The following IL4I1 variants were observed in gnomAD, a reference collection of about 807,000 sequenced individuals.
IL4I1 encodes the protein interleukin 4 induced 1.
Under a neutral mutation model 29.7 loss-of-function variants are expected in IL4I1, and 24 were observed. The ratio of observed to expected loss-of-function variants is 0.81; its 90% CI spans 0.59 to 1.14. IL4I1 has a LOEUF of 1.14. Ranked by LOEUF, IL4I1 falls within the 50% of genes most tolerant of loss-of-function variation. IL4I1 has a pLI of 0.00. For synonymous variants in IL4I1, 371 were observed against 352.5 expected, an observed-to-expected ratio of 1.05 and a Z score of -0.59; for missense variants, 686 against 785.6, an observed-to-expected ratio of 0.87 and a Z score of 1.52.
In IL4I1 at chr19:49,909,353, G is replaced by C. The variant is rs373373358; in HGVS notation, c.-227-5032C>G. 3.1e-6 allele frequency: 5 copies of C among 1,613,752 alleles called. No homozygotes were observed. The African/African-American group carries it at 5.3e-5, about 17-fold the overall frequency. On this transcript the variant is annotated intron_variant, in intron 2 of 9. Coordinates refer to the IL4I1 transcript ENST00000341114. ...GAATGAGAAGCCTCCAGATGTGGTA[G>C]CTGGAGCCACAGAGGTGGTGGAGGG...
intron 2 of IL4I1, among the ~76,000 whole-genome samples, chr19:49,920,255 G>A (rs1163802998): frequency 5.9e-5 from 9 of 152,210 alleles, no homozygotes; most frequent in Admixed American, 5.9e-4. Flanking sequence ...GCTAACTTTT[G>A]TATTTTTAGT....
rs1220851787 is a variant in IL4I1, at chr19:49,891,298, C to T, written c.636+107G>A. On this transcript the variant is annotated intron_variant, in intron 6 of 7. Transcript: ENST00000391826. ...CCAGCCCCCGGGTCAGGCAGGAAGG[C>T]GGTGGCAGGACTAGGGTGCCAGGTA... 12 of 1,425,496 alleles carry T rather than the reference C, an allele frequency of 8.4e-6. No individual in the cohort carries two copies. In the African/African-American group the frequency reaches 8.4e-5, roughly 10 times the overall value. The allele number at this position is 1,425,496 out of a possible 1,614,324, so 88.3% of individuals were successfully genotyped here.
chr19:49,909,680 T>C, intron 2 of IL4I1: 1 of 1,614,058 alleles, frequency 6.2e-7, no homozygotes, highest in African/African-American at 1.3e-5. Context: ...AGCCCCAAAA[T>C]TAAACCCTCC....
At chr19:49,907,683 C>A in intron 2 of IL4I1, 3 of 360,078 alleles carry the variant, frequency 8.3e-6, no homozygotes, top group South Asian at 6.5e-5. Flanking sequence ...AGATCACAGG[C>A]GTCCACCACA....
intron 4 of IL4I1, 119 bp from the exon 5 acceptor site, chr19:49,894,588 G>A (rs903342223): frequency 1.3e-5 from 9 of 699,124 alleles, no homozygotes; most frequent in Admixed American, 1.1e-4. Flanking sequence ...TGAGGCTGGG[G>A]GTGGGGCTAG....
At chr19:49,892,222 C>T (rs1469225293) in intron 5 of IL4I1, among the ~76,000 whole-genome samples, 1 of 151,824 alleles carries the variant, frequency 6.6e-6, no homozygotes, top group Non-Finnish European at 1.5e-5. Context: ...GCTGGGATTA[C>T]AGGCGCCTGC....
Position 49,894,333 on chromosome 19 carries a change from A to C in IL4I1, c.502T>G (p.Tyr168Asp), listed in dbSNP as rs1409789521. The C allele has an allele frequency of 6.2e-7, 1 of 1,614,254 alleles. No individual in the cohort carries two copies. Among genetic ancestry groups the C allele is most frequent in the East Asian group, 2.2e-5 (1 of 44,886 alleles). ...CCCTTTTCCTGGGGACGCAAGGCGT[A>C]GCCCAGCTTCTCGGGCACCTTCTCC... is the stretch of plus-strand genomic sequence containing the variant. ...VVEKVPEKLG[Y>D]ALRPQEKGHS... Residue 168 changes from tyrosine to aspartate, a missense_variant, in exon 5 of 8, where the codon TAC (tyrosine) becomes GAC (aspartate). By Grantham distance (160) the Tyr-to-Asp change is radical. Coordinates refer to ENST00000391826, the MANE Select transcript of IL4I1 (RefSeq NM_152899.2).
chr19:49,890,912 T>A (rs1382455606), intron 7 of IL4I1, 59 bp downstream of exon 7: 2 of 1,245,178 alleles, frequency 1.6e-6, no homozygotes, highest in Admixed American at 2.6e-5. Context: ...TCCCACTCCC[T>A]GCTACTTTCC....
At chr19:49,908,800 C>G in intron 2 of IL4I1, 1 of 1,613,696 alleles carries the variant, frequency 6.2e-7, no homozygotes, top group Non-Finnish European at 8.5e-7. Context: ...ATTTGTTGAT[C>G]AGGCTCTCCA....
chr19:49,913,732 T>C (rs2075544276), intron 2 of IL4I1, among the ~76,000 whole-genome samples: 1 of 152,184 alleles, frequency 6.6e-6, no homozygotes, highest in Non-Finnish European at 1.5e-5. Context: ...AGTAGAAAGC[T>C]TTGCTGAGCT....
At chr19:49,908,179 A>G in intron 2 of IL4I1, 1 of 1,592,996 alleles carries the variant, frequency 6.3e-7, no homozygotes. Context: ...ACTACAGACA[A>G]CAGGGCGCAT....
intron 2 of IL4I1, chr19:49,907,765 A>G: frequency 3.0e-6 from 1 of 332,460 alleles, no homozygotes; most frequent in South Asian, 2.3e-5. Context: ...CGAACTCCTG[A>G]CCTCAAGTCA....
intron 3 of IL4I1, 53 bp downstream of exon 3, chr19:49,895,762 C>T: frequency 6.4e-7 from 1 of 1,562,486 alleles, no homozygotes; most frequent in South Asian, 1.1e-5. Context: ...TGCCCAGGGA[C>T]TCCAGCCTGC....
intron 2 of IL4I1, among the ~76,000 whole-genome samples, chr19:49,914,738 T>TTTG (rs2075579559): frequency 8.6e-6 from 1 of 116,642 alleles, no homozygotes; most frequent in Non-Finnish European, 1.7e-5. Flanking sequence ...TTTTTTTTTT[T>TTTG]TTTTTTTTTT....
intron 2 of IL4I1, chr19:49,918,486 A>C (rs778873845): frequency 2.0e-5 from 3 of 152,196 alleles, no homozygotes; most frequent in Non-Finnish European, 2.9e-5. Flanking sequence ...AATAGTAGGG[A>C]GGGAGGAAGG....
At chr19:49,897,354 C>A (rs1424766226), upstream of IL4I1, among the ~76,000 whole-genome samples, 1 of 152,176 alleles carries the variant, frequency 6.6e-6, no homozygotes, top group Non-Finnish European at 1.5e-5. Flanking sequence ...CCACCCAGAG[C>A]CTCAGTCTCC....
At chr19:49,901,859 A>C, upstream of IL4I1, 1 of 518,224 alleles carries the variant, frequency 1.9e-6, no homozygotes, top group Non-Finnish European at 3.3e-6. Flanking sequence ...GAAGTGTTTT[A>C]TTATGGAAAC....
rs970645835 is a variant in IL4I1 at position 49,889,730 on chromosome 19, G to T, written c.1644C>A (p.His548Gln). 2.0e-6 allele frequency: 3 copies of T among 1,515,776 alleles called. No individual in the cohort carries two copies. Among genetic ancestry groups the T allele is most frequent in the East Asian group, 2.3e-5 (1 of 43,882 alleles). 93.9% of individuals were successfully genotyped at this position (1,515,776 alleles called of 1,614,324 possible). The stretch of plus-strand genomic sequence containing the variant: ...GAGATAACTGGCCTTGGACTGGAGG[G>T]TGGCTGCCTTCTTCCTTTGCCAGGT... ...SHDLAKEEGS[H>Q]PPVQGQLSLQ... is the part of the protein sequence containing the mutation. The change falls in exon 8 of 8, where the codon CAC (histidine) becomes CAA (glutamine). Residue 548 changes from histidine to glutamine, a missense_variant. His to Gln is a conservative substitution (Grantham distance 24). Coordinates refer to ENST00000391826, the MANE Select transcript of IL4I1 (RefSeq NM_152899.2).
intron 2 of IL4I1, among the ~76,000 whole-genome samples, chr19:49,915,093 A>C (rs1212150696): frequency 6.6e-6 from 1 of 151,966 alleles, no homozygotes; most frequent in African/African-American, 2.4e-5. Context: ...GGGAAAGAAT[A>C]CAGGAGACCT....
Sources: gnomAD v4.1 joint callset for allele counts (sites outside exome capture counted in the v4.1 genomes callset) on GRCh38, gnomAD v4.1.1 for gene constraint, MANE v1.5 for transcripts, NCBI Gene and HGNC (gene_info 2026-07-23, HGNC 2026-07-21) for gene names.